SPTSSA: variants seen among roughly 807,000 people sequenced by gnomAD.
The protein encoded by SPTSSA is small subunit of serine palmitoyltransferase A.
Under a neutral mutation model 9.1 loss-of-function variants are expected in SPTSSA, and 8 were observed. The observed-to-expected ratio is 0.88, with a 90% CI of 0.51 to 1.58. The LOEUF is 1.58. SPTSSA is among the 40% of genes most tolerant of loss of function. The probability of loss-of-function intolerance (pLI) is 0.00; values close to 1 mark genes in which losing one functional copy is unlikely to be tolerated. For missense variants in SPTSSA, 100 were observed against 93.8 expected (o/e 1.07, Z -0.27); for synonymous variants, 42 against 37.7 (o/e 1.11, Z -0.41).
At position 34,444,822 on chromosome 14, in the gene SPTSSA, C is replaced by T. The variant is rs757613523; in HGVS notation, c.113-9518G>A. Among the ~76,000 whole-genome samples, 8 of 151,964 alleles carry T rather than the reference C, an allele frequency of 5.3e-5. No homozygotes were observed. The South Asian group carries it at 8.3e-4, about 16-fold the overall frequency. ...AAGACTACCAGAAACAGGTCAGGCA[C>T]GATGGCTCATGCCTGTAATCCCAAC... is the stretch of plus-strand genomic sequence containing the variant. On this transcript the variant is annotated intron_variant, in intron 1 of 1. Transcript: ENST00000298130.
chr14:34,436,691 G>A (rs1029699996), intron 1 of SPTSSA, among the ~76,000 whole-genome samples: 2 of 152,060 alleles, frequency 1.3e-5, no homozygotes, highest in South Asian at 2.1e-4. Flanking sequence ...CCTATGAAAT[G>A]TTTATTATGT....
chr14:34,448,290 G>C (rs1415396923), intron 1 of SPTSSA, among the ~76,000 whole-genome samples: 2 of 152,012 alleles, frequency 1.3e-5, no homozygotes, highest in African/African-American at 2.4e-5. Flanking sequence ...TCACTAGACA[G>C]AGCAGGGCGA....
chr14:34,449,446 C>T (rs1177675798), intron 1 of SPTSSA, among the ~76,000 whole-genome samples: 1 of 151,520 alleles, frequency 6.6e-6, no homozygotes, highest in Non-Finnish European at 1.5e-5. Flanking sequence ...GTGATCCACC[C>T]ACCTCGGCCT....
chr14:34,452,540 T>A (rs144748809), intron 1 of SPTSSA, among the ~76,000 whole-genome samples: 1 of 152,334 alleles, frequency 6.6e-6, no homozygotes, highest in African/African-American at 2.4e-5. Flanking sequence ...TACAACTTGA[T>A]GACAAGCTCT....
chr14:34,450,642 G>A (rs1214753908), intron 1 of SPTSSA, among the ~76,000 whole-genome samples: 1 of 151,872 alleles, frequency 6.6e-6, no homozygotes, highest in Non-Finnish European at 1.5e-5. Context: ...CTAAAAAATG[G>A]GCTGTTCTGT....
At chr14:34,456,854 G>A (rs934247236) in intron 1 of SPTSSA, among the ~76,000 whole-genome samples, 74 of 149,658 alleles carry the variant, frequency 4.9e-4, no homozygotes, top group African/African-American at 1.6e-3. Flanking sequence ...AGCCAAGATC[G>A]CGCCACTGCA....
chr14:34,452,046 T>C (rs1170241951), intron 1 of SPTSSA, among the ~76,000 whole-genome samples: 2 of 151,906 alleles, frequency 1.3e-5, no homozygotes, highest in Non-Finnish European at 2.9e-5. Context: ...GCCAGCACTT[T>C]GGGAGGCCGG....
chr14:34,457,029 A>G lies in SPTSSA; in HGVS notation c.112+5067T>C, dbSNP rs1156646045. ...GCATTTGCTCTGTTGCCCAGGCTGG[A>G]GTACAATGGCACAATCTTGGCTCAC... On this transcript the variant is annotated intron_variant, in intron 1 of 1. Transcript: ENST00000298130. Among the ~76,000 whole-genome samples, 6 of 150,920 alleles carry G rather than the reference A, an allele frequency of 4.0e-5. No individual in the cohort carries two copies. The South Asian group carries it at 1.3e-3, about 32-fold the overall frequency.
intron 1 of SPTSSA, among the ~76,000 whole-genome samples, chr14:34,446,752 C>A (rs116939309): frequency 0.022 from 3,313 of 152,320 alleles, 53 homozygotes; most frequent in Middle Eastern, 0.034. Flanking sequence ...CTCTCTAGCA[C>A]ATTCTACTTT....
At chr14:34,453,305 A>G (rs922225388) in intron 1 of SPTSSA, among the ~76,000 whole-genome samples, 2 of 152,232 alleles carry the variant, frequency 1.3e-5, no homozygotes, top group Non-Finnish European at 2.9e-5. Context: ...CTATACAGGC[A>G]GAAGTCCTTT....
chr14:34,434,737 C>T lies in SPTSSA; in HGVS notation c.*464G>A, dbSNP rs528288257. 1 of 152,836 alleles carries T rather than the reference C, an allele frequency of 6.5e-6. No homozygotes were observed. The highest frequency in any genetic ancestry group is 2.4e-5 in the African/African-American group (1 of 41,558). The allele number at this position is 152,836 out of a possible 1,614,324, so 9.5% of individuals were successfully genotyped here. Reference sequence around the variant, plus strand: ...AATATCTTCCCTCCCCATACCCCTACCCGAAATCTTATATTGTTCTTTACA... The same window carrying T: ...AATATCTTCCCTCCCCATACCCCTATCCGAAATCTTATATTGTTCTTTACA... On this transcript the variant is annotated 3_prime_UTR_variant, in exon 2 of 2. Transcript: ENST00000298130.
At chr14:34,445,769 T>C (rs571411476) in intron 1 of SPTSSA, among the ~76,000 whole-genome samples, 5 of 152,350 alleles carry the variant, frequency 3.3e-5, no homozygotes, top group African/African-American at 1.2e-4. Context: ...CTAATGTATA[T>C]TCCAAAATTG....
At chr14:34,437,479 C>T (rs1247782059) in intron 1 of SPTSSA, among the ~76,000 whole-genome samples, 1 of 152,172 alleles carries the variant, frequency 6.6e-6, no homozygotes, top group Non-Finnish European at 1.5e-5. Flanking sequence ...ATGGATAACC[C>T]CTGACTGGTC....
chr14:34,440,418 G>C (rs1221780984), intron 1 of SPTSSA, among the ~76,000 whole-genome samples: 5 of 152,130 alleles, frequency 3.3e-5, no homozygotes, highest in Admixed American at 2.6e-4. Flanking sequence ...ATAATCTTAA[G>C]GTCATTGGCT....
At chr14:34,442,950 AGG>A (rs143006830) in intron 1 of SPTSSA, among the ~76,000 whole-genome samples, 18,073 of 140,462 alleles carry the variant, frequency 0.13, 1,313 homozygotes, top group East Asian at 0.26. Context: ...ATACATGTCT[AGG>A]GGGGTGTGTG....
intron 1 of SPTSSA, among the ~76,000 whole-genome samples, chr14:34,457,332 C>T (rs1329693967): frequency 1.3e-5 from 2 of 152,070 alleles, no homozygotes; most frequent in South Asian, 2.1e-4. Context: ...TACTTCAGGG[C>T]GTGTCTCACT....
intron 1 of SPTSSA, among the ~76,000 whole-genome samples, chr14:34,456,760 G>A (rs892953870): frequency 3.3e-5 from 5 of 151,524 alleles, no homozygotes; most frequent in South Asian, 4.2e-4. Context: ...TTAGCCGGGC[G>A]TGGTGGCACA....
In SPTSSA at chr14:34,434,102, G is replaced by A. The variant is rs1433797811; in HGVS notation, c.*1099C>T. On this transcript the variant is annotated 3_prime_UTR_variant, in exon 2 of 2. Transcript: ENST00000298130. ...CTGGTCCTCCACAGAAAATAATTCA[G>A]CAATATAAATACTAGATCAATATTT... 1 of 150,814 alleles carries A rather than the reference G, an allele frequency of 6.6e-6. No homozygotes were observed. Among genetic ancestry groups the A allele is most frequent in the Non-Finnish European group, 1.5e-5 (1 of 67,868 alleles). 9.3% of individuals were successfully genotyped at this position (150,814 alleles called of 1,614,324 possible).
At chr14:34,453,756 T>C (rs1322588830) in intron 1 of SPTSSA, among the ~76,000 whole-genome samples, 1 of 152,208 alleles carries the variant, frequency 6.6e-6, no homozygotes, top group African/African-American at 2.4e-5. Context: ...CTATTTCTCA[T>C]AACTATTGAT....
Sources: gnomAD v4.1 joint callset for allele counts (sites outside exome capture counted in the v4.1 genomes callset) on GRCh38, gnomAD v4.1.1 for gene constraint, MANE v1.5 for transcripts, NCBI Gene and HGNC (gene_info 2026-07-23, HGNC 2026-07-21) for gene names.